ABCB6: variants seen among roughly 807,000 people sequenced by gnomAD.
ABCB6 encodes ATP binding cassette subfamily B member 6 (LAN blood group).
A neutral mutation model predicts 99.4 loss-of-function variants in ABCB6; 87 were observed. The observed-to-expected ratio is 0.88, with a 90% confidence interval of 0.74 to 1.05. The LOEUF is 1.05. Among genes scored for constraint, ABCB6 ranks in the 50% least tolerant of loss-of-function variants. ABCB6 has a pLI of 0.00. For missense variants in ABCB6, 1,050 were observed against 1,097.9 expected (o/e 0.96, Z 0.62); for synonymous variants, 482 against 447.5 (o/e 1.08, Z -0.97).
chr2:219,211,161 G>A (rs1297509405), intron 14 of ABCB6, 53 bp from the exon 15 acceptor site: 2 of 1,598,210 alleles, frequency 1.3e-6, no homozygotes, highest in African/African-American at 2.7e-5. Context: ...CAAGGCCTGG[G>A]AGGCAGGGTG....
chr2:219,212,420 G>A lies in ABCB6; in HGVS notation c.1935C>T (p.Gly645=). ...TGTCCTGCCCATCTATTCGGATGCAGCCAGAGCTGATGTCGTAGAAGCGAA... is the reference window on the plus strand; with the variant it reads ...TGTCCTGCCCATCTATTCGGATGCAACCAGAGCTGATGTCGTAGAAGCGAA... The part of the protein sequence containing the change: ...LLFRFYDISS[G]CIRIDGQDIS... Residue 645 remains glycine (G), a synonymous_variant, in exon 14 of 19, where the codon GGC becomes GGT. Transcript: ENST00000265316. 1.9e-6 allele frequency: 3 copies of A among 1,614,142 alleles called. No individual in the cohort carries two copies. The highest frequency in any genetic ancestry group is 2.5e-6 in the Non-Finnish European group (3 of 1,180,018).
chr2:219,214,104 C>T lies in ABCB6; in HGVS notation c.1452+17G>A, dbSNP rs990138760. The stretch of plus-strand genomic sequence containing the variant: ...CCAGGGCATTATTCTCCGGAGGCCT[C>T]AAACTAGCATCCTCACCTGATATTT... On this transcript the variant is annotated intron_variant, in intron 8 of 18. Coordinates refer to ENST00000265316, the MANE Select transcript of ABCB6 (RefSeq NM_005689.4). 6.2e-7 allele frequency: 1 copy of T among 1,614,076 alleles called. No homozygotes were observed. Among genetic ancestry groups the T allele is most frequent in the Non-Finnish European group, 8.5e-7 (1 of 1,179,948 alleles).
intron 11 of ABCB6, 26 bp from the exon 12 acceptor site, chr2:219,213,352 T>C (rs1360680111): frequency 1.9e-6 from 3 of 1,614,008 alleles, no homozygotes; most frequent in East Asian, 4.5e-5. Context: ...CCATGTGTGC[T>C]GAGGTTCTCA....
Position 219,216,603 on chromosome 2 carries a change from C to A in ABCB6, c.868+49G>T, listed in dbSNP as rs988540546. On this transcript the variant is annotated intron_variant, in intron 3 of 18. Coordinates refer to ENST00000265316, the MANE Select transcript of ABCB6 (RefSeq NM_005689.4). This position sits in a 1 kb window ranked among gnomAD's most constrained non-coding sequence, Gnocchi z 4.2. ...CCCTAGGTAAGGACCATCCCAGCCA[C>A]CAGGCTGATGAAGGACCAGCACACT... The A allele has an allele frequency of 9.1e-6, 14 of 1,538,426 alleles. No homozygotes were observed. Among genetic ancestry groups the A allele is most frequent in the Admixed American group, 2.0e-5 (1 of 50,618 alleles).
Position 219,216,514 on chromosome 2 carries a change from T to C in ABCB6, c.869-49A>G. On this transcript the variant is annotated intron_variant, in intron 3 of 18. Coordinates refer to ENST00000265316, the MANE Select transcript of ABCB6 (RefSeq NM_005689.4). The surrounding 1 kb of genome is among the most constrained non-coding windows in gnomAD (Gnocchi z 4.2). The stretch of plus-strand genomic sequence containing the variant: ...CCACTTATGGCGCCCAGGACTCTCT[T>C]CAGGCAAAATGGCCCCAGGTACCAG... The C allele has an allele frequency of 6.3e-7, 1 of 1,590,462 alleles. No individual in the cohort carries two copies. Among genetic ancestry groups the C allele is most frequent in the Non-Finnish European group, 8.6e-7 (1 of 1,162,270 alleles).
At position 219,212,383 on chromosome 2, in the gene ABCB6, C is replaced by T. The variant is rs1950589371; in HGVS notation, c.1968+4G>A. 2 of 1,613,804 alleles carry T rather than the reference C, an allele frequency of 1.2e-6. No homozygotes were observed. Among genetic ancestry groups the T allele is most frequent in the Non-Finnish European group, 1.7e-6 (2 of 1,179,666 alleles). On this transcript the variant is annotated splice_donor_region_variant and intron_variant, in intron 14 of 18. Transcript: ENST00000265316. Reference sequence around the variant, plus strand: ...AACCACCGTCTTCTCCAGAGCAACCCTACCTGTGAAATGTCCTGCCCATCT... The same window carrying T: ...AACCACCGTCTTCTCCAGAGCAACCTTACCTGTGAAATGTCCTGCCCATCT...
In ABCB6 at chr2:219,214,485, C is replaced by T; in HGVS notation, c.1290G>A (p.Val430=). ...CMSLYLTLTI[V]VTEWRTKFRR... ...GAAACTTGGTTCTCCACTCAGTGAC[C>T]ACAATGGTCAGGGCTGGAGAGTGAC... The change falls in exon 7 of 19, where the codon GTG becomes GTA. Residue 430 remains valine (V), a synonymous_variant. Coordinates refer to ENST00000265316, the MANE Select transcript of ABCB6 (RefSeq NM_005689.4). The T allele has an allele frequency of 1.2e-6, 2 of 1,613,512 alleles. No homozygotes were observed. Among genetic ancestry groups the T allele is most frequent in the Non-Finnish European group, 1.7e-6 (2 of 1,179,468 alleles).
Position 219,210,066 on chromosome 2 carries a change from G to A in ABCB6, c.2421-20C>T. ...TCGTGTCTGGGGTGAGGAGAAAAGT[G>A]TGAGTCCTAACCATTAGTTTTACCC... On this transcript the variant is annotated intron_variant, in intron 18 of 18. Transcript: ENST00000265316. 2 of 1,610,648 alleles carry A rather than the reference G, an allele frequency of 1.2e-6. No individual in the cohort carries two copies. Among genetic ancestry groups the A allele is most frequent in the Non-Finnish European group, 8.5e-7 (1 of 1,176,998 alleles).
chr2:219,217,934 A>AG, intron 1 of ABCB6, 127 bp from the exon 2 acceptor site: 1 of 1,418,726 alleles, frequency 7.0e-7, no homozygotes. Flanking sequence ...AAAAAAAAAA[A>AG]AAGCAAAACC....
rs762871177 is a variant in ABCB6 at position 219,212,463 on chromosome 2, G to A, written c.1892C>T (p.Thr631Ile). The part of the protein sequence containing the change: ...LVGPSGAGKS[T>I]ILRLLFRFYD... Reference sequence around the variant, plus strand: ...GAAGCGAAACAGCAGGCGCAAAATTGTGCTCTTCCCTGCCCCAGATGGGCC... The same window carrying A: ...GAAGCGAAACAGCAGGCGCAAAATTATGCTCTTCCCTGCCCCAGATGGGCC... Residue 631 changes from threonine (T) to isoleucine (I), a missense_variant, in exon 14 of 19, where the codon ACA becomes ATA. Physicochemically the swap from Thr to Ile is moderately conservative, Grantham distance 89. Coordinates refer to ENST00000265316, the MANE Select transcript of ABCB6 (RefSeq NM_005689.4). 6.2e-7 allele frequency: 1 copy of A among 1,614,084 alleles called. No individual in the cohort carries two copies. Among genetic ancestry groups the A allele is most frequent in the Non-Finnish European group, 8.5e-7 (1 of 1,180,014 alleles).
In ABCB6 at chr2:219,218,234, C is replaced by T; in HGVS notation, c.440G>A (p.Ser147Asn). The T allele has an allele frequency of 6.2e-7, 1 of 1,613,638 alleles. No homozygotes were observed. Among genetic ancestry groups the T allele is most frequent in the East Asian group, 2.2e-5 (1 of 44,902 alleles). The change falls in exon 1 of 19, where the codon AGC becomes AAC. Residue 147 changes from serine to asparagine, a missense_variant. By Grantham distance (46) the Ser-to-Asn change is conservative. Coordinates refer to ENST00000265316, the MANE Select transcript of ABCB6 (RefSeq NM_005689.4). Reference sequence around the variant, plus strand: ...AGTCCAGAGGAGCAGGAGACCAGGGCTGTGCCTGAACTTGATCCAGATGCC... The same window carrying T: ...AGTCCAGAGGAGCAGGAGACCAGGGTTGTGCCTGAACTTGATCCAGATGCC... ...AMGIWIKFRH[S>N]PGLLLLWTVA...
At chr2:219,212,981 G>A in intron 13 of ABCB6, 27 bp downstream of exon 13, 2 of 1,612,962 alleles carry the variant, frequency 1.2e-6, no homozygotes, top group Non-Finnish European at 1.7e-6. Flanking sequence ...TGAGGCATCT[G>A]GGCCAAGTGG....
Position 219,209,911 on chromosome 2 carries a change from T to A in ABCB6, c.*27A>T. ...CATCTTATTCCCTTCTGGGTTAGTCTTTGAGAGGGAAGTGGCCAAACTTTT... is the reference window on the plus strand; with the variant it reads ...CATCTTATTCCCTTCTGGGTTAGTCATTGAGAGGGAAGTGGCCAAACTTTT... On this transcript the variant is annotated 3_prime_UTR_variant, in exon 19 of 19. Coordinates refer to ENST00000265316, the MANE Select transcript of ABCB6 (RefSeq NM_005689.4). The A allele has an allele frequency of 6.4e-7, 1 of 1,563,570 alleles. No individual in the cohort carries two copies. Among genetic ancestry groups the A allele is most frequent in the Admixed American group, 1.7e-5 (1 of 59,936 alleles).
At position 219,214,411 on chromosome 2, in the gene ABCB6, T is replaced by G; in HGVS notation, c.1364A>C (p.Asp455Ala). The G allele has an allele frequency of 2.5e-6, 4 of 1,613,774 alleles. No homozygotes were observed. In the African/African-American group the frequency reaches 5.3e-5, roughly 22 times the overall value. Residue 455 changes from aspartate to alanine, a missense_variant, in exon 7 of 19, where the codon GAC (aspartate) becomes GCC (alanine). Asp to Ala is a moderately radical substitution (Grantham distance 126, BLOSUM62 -2). Transcript: ENST00000265316. ...TACCGTCTCGAAGTTTAGCAGAGAG[T>G]CCACTGCTCGTGCCCGGGTAGCGTT... Reference protein sequence around the residue: ...QENATRARAVDSLLNFETVKY... With the variant: ...QENATRARAVASLLNFETVKY...
Position 219,210,699 on chromosome 2 carries a change from C to T in ABCB6, c.2256+12G>A, listed in dbSNP as rs1950565733. On this transcript the variant is annotated intron_variant, in intron 16 of 18. Coordinates refer to ENST00000265316, the MANE Select transcript of ABCB6 (RefSeq NM_005689.4). ...ACAAGGCAGGAAGGAGGGGAGGAGA[C>T]CCAGGGCGCACCTCATCCAGCAGAA... The T allele has an allele frequency of 8.7e-6, 14 of 1,613,384 alleles. No homozygotes were observed. The highest frequency in any genetic ancestry group is 1.2e-5 in the Non-Finnish European group (14 of 1,179,912).
Position 219,214,942 on chromosome 2 carries a change from G to A in ABCB6, c.1276+19C>T, listed in dbSNP as rs552307539. ...TCCCTGGATAGTTCAGGGAGACGGT[G>A]TCTCCCAGCAGCACTCACTGAGGTA... On this transcript the variant is annotated intron_variant, in intron 6 of 18. Transcript: ENST00000265316. The A allele has an allele frequency of 1.0e-4, 164 of 1,613,984 alleles. 1 individual carries two copies. In the South Asian group the frequency reaches 1.6e-3, roughly 16 times the overall value.
At chr2:219,211,808 G>A (rs1950582503) in intron 14 of ABCB6, among the ~76,000 whole-genome samples, 1 of 145,324 alleles carries the variant, frequency 6.9e-6, no homozygotes, top group Non-Finnish European at 1.5e-5. Context: ...CTCTTGCCCA[G>A]GCTGGAGTGC....
rs1178059943 is a variant in ABCB6, at chr2:219,214,970, G to A, written c.1267C>T (p.Leu423Phe). The A allele has an allele frequency of 7.4e-6, 12 of 1,614,008 alleles. No homozygotes were observed. The highest frequency in any genetic ancestry group is 9.3e-6 in the Non-Finnish European group (11 of 1,180,034). Reference protein sequence around the residue: ...FGLIVFLCMSLYLTLTIVVTE... With the variant: ...FGLIVFLCMSFYLTLTIVVTE... ...TCCCAGCAGCACTCACTGAGGTAAA[G>A]ACTCATGCACAGGAACACAATGAGG... Residue 423 changes from leucine (L) to phenylalanine (F), a missense_variant, in exon 6 of 19, where the codon CTT (leucine) becomes TTT (phenylalanine). By Grantham distance (22) the Leu-to-Phe change is conservative. Coordinates refer to ENST00000265316, the MANE Select transcript of ABCB6 (RefSeq NM_005689.4).
intron 6 of ABCB6, 61 bp from the exon 7 acceptor site, chr2:219,214,559 G>T: frequency 8.0e-7 from 1 of 1,251,678 alleles, no homozygotes; most frequent in Middle Eastern, 1.9e-4. Flanking sequence ...GAGACCAAAT[G>T]TCAATGTCCA....
Sources: gnomAD v4.1 joint callset for allele counts (sites outside exome capture counted in the v4.1 genomes callset) on GRCh38, gnomAD v4.1.1 for gene constraint, Gnocchi (gnomAD v3.1) non-coding constraint, MANE v1.5 for transcripts, NCBI Gene and HGNC (gene_info 2026-07-23, HGNC 2026-07-21) for gene names.